Variants in ZNF609 observed in about 807,000 individuals in gnomAD.
ZNF609 encodes zinc finger protein 609.
ZNF609 carries 11 observed loss-of-function variants against 109.5 expected under a neutral mutation model. The observed-to-expected ratio is 0.10, with a 90% CI of 0.06 to 0.17. The LOEUF is 0.17. ZNF609 is among the 10% of genes least tolerant of loss of function. The pLI is 1.00. For missense variants in ZNF609, 1,559 were observed against 1,772.4 expected, an observed-to-expected ratio of 0.88 and a Z score of 2.16; for synonymous variants, 646 against 662.0, an observed-to-expected ratio of 0.98 and a Z score of 0.37.
chr15:64,576,639 C>A (rs1368026312), intron 2 of ZNF609, among the ~76,000 whole-genome samples: 2 of 151,320 alleles, frequency 1.3e-5, no homozygotes, highest in East Asian at 3.9e-4. Flanking sequence ...TTAAAGGAAT[C>A]CTCAAAATAG....
intron 4 of ZNF609, among the ~76,000 whole-genome samples, chr15:64,672,301 C>T (rs1156695954): frequency 2.8e-4 from 42 of 149,482 alleles, no homozygotes; most frequent in Admixed American, 1.1e-3. Flanking sequence ...CATGAGCCAC[C>T]GCACCCAGCC....
In ZNF609 at chr15:64,480,531, C is replaced by CA. The variant is rs1159544328; in HGVS notation, c.-127-18751dup. 7.9e-3 allele frequency among the ~76,000 whole-genome samples: 1,067 copies of CA among 134,218 alleles called. 14 individuals are homozygous for CA. The highest frequency in any genetic ancestry group is 0.024 in the African/African-American group (893 of 36,560). 88.1% of individuals were successfully genotyped at this position (134,218 alleles called of 152,430 possible). ...GCACAACAAGAGTGAGACTCCATCT[C>CA]AAAAAAAAAAACAAAAAAAGTGTTA... On this transcript the variant is annotated intron_variant, in intron 1 of 9. Coordinates refer to ENST00000326648, the MANE Select transcript of ZNF609 (RefSeq NM_015042.2).
At chr15:64,547,363 G>A (rs917457337) in intron 2 of ZNF609, among the ~76,000 whole-genome samples, 3 of 152,172 alleles carry the variant, frequency 2.0e-5, no homozygotes, top group Admixed American at 1.3e-4. Context: ...ATATTTGAGA[G>A]CCTTATCTTT....
chr15:64,643,348 A>C (rs1043754772), intron 3 of ZNF609, among the ~76,000 whole-genome samples: 2 of 152,232 alleles, frequency 1.3e-5, no homozygotes, highest in Non-Finnish European at 2.9e-5. Context: ...AGAGAACTAG[A>C]AAACTGGAGT....
chr15:64,492,636 C>G (rs943631904), intron 1 of ZNF609, among the ~76,000 whole-genome samples: 2 of 152,156 alleles, frequency 1.3e-5, no homozygotes, highest in Non-Finnish European at 2.9e-5. Context: ...CTCACCTCGG[C>G]CTCCCAAAGT....
At chr15:64,540,921 G>A (rs1894242741) in intron 2 of ZNF609, among the ~76,000 whole-genome samples, 2 of 150,424 alleles carry the variant, frequency 1.3e-5, no homozygotes, top group African/African-American at 4.9e-5. Context: ...CCAGCTACTT[G>A]GGAGGCTGAG....
At chr15:64,532,985 A>G (rs911958720) in intron 2 of ZNF609, among the ~76,000 whole-genome samples, 1 of 151,938 alleles carries the variant, frequency 6.6e-6, no homozygotes, top group African/African-American at 2.4e-5. Flanking sequence ...TATTTGAGAA[A>G]CTAGCCTCTC....
intron 2 of ZNF609, among the ~76,000 whole-genome samples, chr15:64,604,095 T>C (rs1407029508): frequency 1.3e-5 from 2 of 152,180 alleles, no homozygotes; most frequent in South Asian, 2.1e-4. Context: ...CTTACCTCTT[T>C]TGCATTCTTT....
chr15:64,602,349 C>T (rs543751755), intron 2 of ZNF609, among the ~76,000 whole-genome samples: 1 of 152,260 alleles, frequency 6.6e-6, no homozygotes, highest in South Asian at 2.1e-4. Context: ...TAGTAGTAAC[C>T]TTGGCTAGGT....
chr15:64,506,531 AC>A (rs1328537657), intron 2 of ZNF609, among the ~76,000 whole-genome samples: 1 of 151,262 alleles, frequency 6.6e-6, no homozygotes, highest in African/African-American at 2.4e-5. Flanking sequence ...GACCAGCCTG[AC>A]CAACATGGAG....
At chr15:64,650,867 G>A (rs1446402811) in intron 3 of ZNF609, among the ~76,000 whole-genome samples, 2 of 149,458 alleles carry the variant, frequency 1.3e-5, no homozygotes, top group African/African-American at 5.0e-5. Flanking sequence ...TATTTATTTA[G>A]TGTGTAAGAT....
At chr15:64,616,337 G>C (rs1895797019) in intron 2 of ZNF609, among the ~76,000 whole-genome samples, 1 of 151,784 alleles carries the variant, frequency 6.6e-6, no homozygotes, top group African/African-American at 2.4e-5. Flanking sequence ...CAGCCATGAA[G>C]ATTTTTGTCC....
intron 2 of ZNF609, among the ~76,000 whole-genome samples, chr15:64,579,336 A>T (rs1895055149): frequency 6.6e-6 from 1 of 151,226 alleles, no homozygotes; most frequent in African/African-American, 2.4e-5. Flanking sequence ...AGTTGAGCCC[A>T]GGAGGTCAAG....
chr15:64,629,124 C>G (rs1255134493), intron 3 of ZNF609, among the ~76,000 whole-genome samples: 1 of 152,154 alleles, frequency 6.6e-6, no homozygotes. Context: ...TGGTTATTCT[C>G]TCTATTTTGT....
At chr15:64,544,451 G>A (rs1894323908) in intron 2 of ZNF609, among the ~76,000 whole-genome samples, 1 of 152,206 alleles carries the variant, frequency 6.6e-6, no homozygotes, top group Non-Finnish European at 1.5e-5. Flanking sequence ...ATAATTTGAT[G>A]TGCTTTATAG....
At chr15:64,467,777 G>A (rs940251946) in intron 1 of ZNF609, among the ~76,000 whole-genome samples, 3 of 152,156 alleles carry the variant, frequency 2.0e-5, no homozygotes, top group African/African-American at 4.8e-5. Flanking sequence ...TCTGAGAGAT[G>A]GAGGTTGCAG....
chr15:64,593,782 C>T (rs1163081574), intron 2 of ZNF609, among the ~76,000 whole-genome samples: 1 of 152,176 alleles, frequency 6.6e-6, no homozygotes, highest in Non-Finnish European at 1.5e-5. Context: ...CACCTGCCTA[C>T]AGTGCTGGGA....
rs983971585 is a variant in ZNF609 at position 64,477,141 on chromosome 15, T to C, written c.-128+16303T>C. Among the ~76,000 whole-genome samples the C allele has an allele frequency of 4.8e-3, 704 of 145,672 alleles. 5 individuals are homozygous for C. Among genetic ancestry groups the C allele is most frequent in the African/African-American group, 8.9e-3 (351 of 39,566 alleles). On this transcript the variant is annotated intron_variant, in intron 1 of 9. Transcript: ENST00000326648. ...CCTTGCTTACTCTTCTCTTTCTTTT[T>C]TTTTTTTTTTTTTTTTTGAGACGGT...
intron 3 of ZNF609, among the ~76,000 whole-genome samples, chr15:64,648,985 T>G (rs1448418695): frequency 2.6e-5 from 4 of 152,100 alleles, no homozygotes; most frequent in Non-Finnish European, 4.4e-5. Flanking sequence ...GGATACTTAC[T>G]GCAAAGTATA....
Sources: allele counts gnomAD v4.1 joint callset (sites outside exome capture counted in the v4.1 genomes callset), GRCh38; gene constraint gnomAD v4.1.1; transcripts MANE v1.5; gene names NCBI Gene and HGNC (gene_info 2026-07-23, HGNC 2026-07-21).